Variants in EPS15L1 observed in about 807,000 individuals in gnomAD.
EPS15L1 encodes epidermal growth factor receptor substrate 15-like 1.
In EPS15L1, 43 loss-of-function variants were observed where a neutral mutation model predicts 117.1. The observed-to-expected ratio is 0.37, with a 90% CI of 0.29 to 0.47. EPS15L1 has a LOEUF of 0.47. EPS15L1 is among the 20% of genes least tolerant of loss of function. EPS15L1 has a pLI of 0.99. For synonymous variants in EPS15L1, 459 were observed against 470.5 expected (o/e 0.98, Z 0.32); for missense variants, 981 against 1,164.0 (o/e 0.84, Z 2.29).
chr19:16,428,509 G>C (rs1195541195), intron 8 of EPS15L1, among the ~76,000 whole-genome samples, 193 bp downstream of exon 8: 3 of 112,880 alleles, frequency 2.7e-5, no homozygotes, highest in Non-Finnish European at 5.4e-5. Context: ...GGGAGAGAGA[G>C]AGAGAAAGAA....
intron 1 of EPS15L1, among the ~76,000 whole-genome samples, chr19:16,444,734 T>C (rs956184100): frequency 6.6e-6 from 1 of 151,796 alleles, no homozygotes; most frequent in Non-Finnish European, 1.5e-5. Flanking sequence ...CAAGTTTTTT[T>C]TTTTTTTTTT....
chr19:16,428,246 C>T (rs1024596497), intron 8 of EPS15L1, among the ~76,000 whole-genome samples: 1 of 151,154 alleles, frequency 6.6e-6, no homozygotes, highest in Non-Finnish European at 1.5e-5. Flanking sequence ...GGCACAGTGG[C>T]TCACGCCTGT....
intron 1 of EPS15L1, among the ~76,000 whole-genome samples, chr19:16,443,843 T>G (rs2093055820): frequency 6.6e-6 from 1 of 151,750 alleles, no homozygotes; most frequent in Non-Finnish European, 1.5e-5. Flanking sequence ...GGCAGGCAGA[T>G]CACGAGGTCA....
At chr19:16,422,990 A>G (rs2092833041) in intron 9 of EPS15L1, among the ~76,000 whole-genome samples, 1 of 151,838 alleles carries the variant, frequency 6.6e-6, no homozygotes, top group African/African-American at 2.4e-5. Flanking sequence ...GATTTCTCAA[A>G]GAGTTCTCAC....
chr19:16,389,642 C>T (rs2092456644), intron 19 of EPS15L1, among the ~76,000 whole-genome samples: 1 of 152,026 alleles, frequency 6.6e-6, no homozygotes, highest in Non-Finnish European at 1.5e-5. Flanking sequence ...CTTTACAATA[C>T]CCACAATGGA....
At position 16,404,614 on chromosome 19, in the gene EPS15L1, G is replaced by A. The variant is rs763567632; in HGVS notation, c.1402C>T (p.Gln468Ter). ...KLRDMLSDVR[Q>*]KCQDETQMIS... ...ATCTGAGTCTCATCCTGGCACTTCT[G>A]CCGGACGTCGCTCAGCATGTCTCGG... Residue 468 changes from glutamine (Q) to a stop codon, truncating the protein, a stop_gained, in exon 14 of 24, where the codon CAG becomes TAG. Coordinates refer to ENST00000455140, the MANE Select transcript of EPS15L1 (RefSeq NM_001258374.3). LOFTEE classifies it high-confidence loss of function. This position sits in a 1 kb window ranked among gnomAD's most constrained non-coding sequence, Gnocchi z 4.2. The A allele has an allele frequency of 6.2e-7, 1 of 1,614,182 alleles. No individual in the cohort carries two copies. The highest frequency in any genetic ancestry group is 8.5e-7 in the Non-Finnish European group (1 of 1,180,036).
intron 22 of EPS15L1, among the ~76,000 whole-genome samples, chr19:16,376,368 C>T (rs1438763038): frequency 3.3e-5 from 5 of 152,330 alleles, no homozygotes; most frequent in East Asian, 3.9e-4. Flanking sequence ...AACTGGCCGC[C>T]GGCCTAACTC....
Position 16,361,783 on chromosome 19 carries a change from G to C in EPS15L1, c.2582C>G (p.Thr861Ser), listed in dbSNP as rs1209820290. Residue 861 changes from threonine (T) to serine (S), a missense_variant, in exon 23 of 24, where the codon ACC becomes AGC. Physicochemically the swap from Thr to Ser is moderately conservative, Grantham distance 58. Coordinates refer to ENST00000455140, the MANE Select transcript of EPS15L1 (RefSeq NM_001258374.3). ...GAGGCGGAGGACTCAACTTACAGAG[G>C]TGAAGTCTGCAAAGCCCGAGGCAGA... ...KASASGFADF[T>S]SFGNEEQQLA... 2 of 1,612,884 alleles carry C rather than the reference G, an allele frequency of 1.2e-6. No individual in the cohort carries two copies. The highest frequency in any genetic ancestry group is 1.7e-6 in the Non-Finnish European group (2 of 1,179,630).
At chr19:16,420,686 TC>T (rs1405727644) in intron 10 of EPS15L1, among the ~76,000 whole-genome samples, 1 of 152,248 alleles carries the variant, frequency 6.6e-6, no homozygotes. Flanking sequence ...AGTGAAGCCT[TC>T]TCTAAGGCCA....
At chr19:16,441,629 CAAAAAAAAAAAA>C (rs369757727) in intron 3 of EPS15L1, 2 of 85,578 alleles carry the variant, frequency 2.3e-5, no homozygotes, top group African/African-American at 1.1e-4. Flanking sequence ...AACTCTGTCT[CAAAAAAAAAAAA>C]AAAAAAAAAA....
intron 7 of EPS15L1, among the ~76,000 whole-genome samples, chr19:16,430,974 A>G (rs1488845553): frequency 6.6e-6 from 1 of 152,136 alleles, no homozygotes; most frequent in Non-Finnish European, 1.5e-5. Context: ...GTGGCTCACG[A>G]CTGTCATCCA....
At chr19:16,394,233 G>A (rs569909651) in intron 17 of EPS15L1, among the ~76,000 whole-genome samples, 5 of 152,338 alleles carry the variant, frequency 3.3e-5, no homozygotes, top group African/African-American at 1.2e-4. Context: ...AGATGAGAAG[G>A]AAGGTACTGC....
intron 8 of EPS15L1, among the ~76,000 whole-genome samples, chr19:16,428,359 T>G (rs1599633796): frequency 2.2e-5 from 3 of 133,884 alleles, no homozygotes; most frequent in South Asian, 2.3e-4. Context: ...GGCGATAGAG[T>G]GAGACTCCAT....
Position 16,404,530 on chromosome 19 carries a change from T to A in EPS15L1, c.1428+58A>T. On this transcript the variant is annotated intron_variant, in intron 14 of 23. Coordinates refer to ENST00000455140, the MANE Select transcript of EPS15L1 (RefSeq NM_001258374.3). The surrounding 1 kb of genome is among the most constrained non-coding windows in gnomAD (Gnocchi z 4.2). ...CCCAGGTAACACGAGCTCAGGGGAGTCCTTGGGAAGCCCCTGCCTGTGCAT... is the reference window on the plus strand; with the variant it reads ...CCCAGGTAACACGAGCTCAGGGGAGACCTTGGGAAGCCCCTGCCTGTGCAT... The A allele has an allele frequency of 6.3e-7, 1 of 1,591,210 alleles. No individual in the cohort carries two copies. The highest frequency in any genetic ancestry group is 1.7e-5 in the Admixed American group (1 of 59,194).
intron 12 of EPS15L1, among the ~76,000 whole-genome samples, chr19:16,417,168 G>A (rs953424424): frequency 6.6e-6 from 1 of 152,110 alleles, no homozygotes; most frequent in African/African-American, 2.4e-5. Flanking sequence ...GGACAACACA[G>A]CTGCCACAGG....
chr19:16,424,576 C>T (rs374759343), intron 9 of EPS15L1, among the ~76,000 whole-genome samples: 102 of 151,850 alleles, frequency 6.7e-4, no homozygotes, highest in African/African-American at 1.9e-3. Flanking sequence ...TTTGGGAGGC[C>T]GAGGCAGGAG....
At chr19:16,364,901 C>A (rs2092112447) in intron 22 of EPS15L1, among the ~76,000 whole-genome samples, 1 of 152,244 alleles carries the variant, frequency 6.6e-6, no homozygotes, top group South Asian at 2.1e-4. Flanking sequence ...ACCCACCCAG[C>A]AAAGTGGCCT....
intron 6 of EPS15L1, 160 bp from the exon 7 acceptor site, chr19:16,434,650 C>T: frequency 1.4e-6 from 1 of 728,502 alleles, no homozygotes; most frequent in Non-Finnish European, 2.2e-6. Flanking sequence ...CCCTTGGTTT[C>T]CAAAGTGAAC....
At chr19:16,407,633 C>T (rs2144859254) in intron 13 of EPS15L1, among the ~76,000 whole-genome samples, 1 of 152,152 alleles carries the variant, frequency 6.6e-6, no homozygotes, top group East Asian at 1.9e-4. Context: ...GCCTTCTTTT[C>T]CCCTTCTTGA....
Sources: allele counts gnomAD v4.1 joint callset (sites outside exome capture counted in the v4.1 genomes callset), GRCh38; gene constraint gnomAD v4.1.1; non-coding constraint Gnocchi (gnomAD v3.1); transcripts MANE v1.5; gene names NCBI Gene and HGNC (gene_info 2026-07-23, HGNC 2026-07-21).